The following PSMA6 variants were observed in gnomAD, a reference collection of about 807,000 sequenced individuals.
The protein encoded by PSMA6 is proteasome subunit alpha type-6.
For synonymous variants in PSMA6, 88 were observed against 97.7 expected (o/e 0.90, Z 0.59); for missense variants, 170 against 294.8 (o/e 0.58, Z 3.10).
At chr14:35,299,689 GT>G (rs1469247990) in intron 1 of PSMA6, among the ~76,000 whole-genome samples, 1 of 152,010 alleles carries the variant, frequency 6.6e-6, no homozygotes, top group African/African-American at 2.4e-5. Flanking sequence ...TGATACTACT[GT>G]TTACCCTGCC....
chr14:35,288,512 A>AAAC (rs539252937), upstream of PSMA6, among the ~76,000 whole-genome samples: 39 of 152,236 alleles, frequency 2.6e-4, no homozygotes, highest in East Asian at 3.9e-4. Context: ...AATAAGCCAA[A>AAAC]AACAACAACA....
chr14:35,311,805 A>G (rs2051949305), intron 4 of PSMA6, among the ~76,000 whole-genome samples: 2 of 152,190 alleles, frequency 1.3e-5, no homozygotes, highest in Admixed American at 6.6e-5. Flanking sequence ...CTAGAGGAGT[A>G]TATACCAACA....
intron 1 of PSMA6, among the ~76,000 whole-genome samples, chr14:35,301,600 G>C (rs72666607): frequency 0.34 from 52,118 of 151,974 alleles, 10,314 homozygotes; most frequent in East Asian, 0.69. Flanking sequence ...TATCATATTG[G>C]ACATTGCAAA....
At chr14:35,292,265 C>T (rs1045385292), upstream of PSMA6, 4 of 1,373,494 alleles carry the variant, frequency 2.9e-6, no homozygotes, top group Non-Finnish European at 3.8e-6. Flanking sequence ...CTTCAAAGGC[C>T]TCCCGCCCTC....
chr14:35,298,700 C>T (rs1182457591), intron 1 of PSMA6, among the ~76,000 whole-genome samples: 1 of 151,382 alleles, frequency 6.6e-6, no homozygotes, highest in Non-Finnish European at 1.5e-5. Context: ...AAATGCTGCC[C>T]ATAAACTATT....
At chr14:35,299,445 C>G in intron 1 of PSMA6, among the ~76,000 whole-genome samples, 1 of 150,112 alleles carries the variant, frequency 6.7e-6, no homozygotes, top group East Asian at 2.0e-4. Context: ...GCCTCAGCAC[C>G]CCAATAGCTG....
At chr14:35,292,329 T>C, upstream of PSMA6, 7 of 1,493,052 alleles carry the variant, frequency 4.7e-6, no homozygotes, top group Non-Finnish European at 5.3e-6. Context: ...TCGAACTGGC[T>C]CCAGAGCCGT....
At chr14:35,288,139 A>T (rs1332688666), upstream of PSMA6, among the ~76,000 whole-genome samples, 2 of 152,274 alleles carry the variant, frequency 1.3e-5, no homozygotes, top group Non-Finnish European at 1.5e-5. Flanking sequence ...CATATTCAAC[A>T]AATGATTGGA....
At chr14:35,292,291 T>TA, upstream of PSMA6, 3 of 1,412,218 alleles carry the variant, frequency 2.1e-6, no homozygotes, top group Non-Finnish European at 2.8e-6. Flanking sequence ...ACCACCCCCT[T>TA]AGGGGGCGGG....
intron 2 of PSMA6, 160 bp from the exon 3 acceptor site, chr14:35,308,754 T>G (rs1284191659): frequency 1.8e-6 from 1 of 552,562 alleles, no homozygotes; most frequent in Non-Finnish European, 3.2e-6. Flanking sequence ...ATTTTAACTA[T>G]AAAATGATCA....
intron 4 of PSMA6, chr14:35,312,676 A>T (rs1041738724): frequency 1.7e-5 from 8 of 471,770 alleles, no homozygotes; most frequent in African/African-American, 1.6e-4. Flanking sequence ...TCTGTGATAA[A>T]TCCTTTTGTG....
At chr14:35,317,205 A>C (rs770814596) in intron 6 of PSMA6, 44 bp from the exon 7 acceptor site, 3 of 1,555,514 alleles carry the variant, frequency 1.9e-6, no homozygotes, top group African/African-American at 2.7e-5. Flanking sequence ...TGTTTGAAAA[A>C]ATTTTTTTTA....
chr14:35,312,272 C>T (rs972350467), intron 4 of PSMA6, among the ~76,000 whole-genome samples: 1 of 149,844 alleles, frequency 6.7e-6, no homozygotes, highest in Non-Finnish European at 1.5e-5. Flanking sequence ...TTTGGGAGGA[C>T]GAGGCAGGTG....
chr14:35,288,053 A>G (rs1430602247), upstream of PSMA6, among the ~76,000 whole-genome samples: 1 of 152,218 alleles, frequency 6.6e-6, no homozygotes, highest in Admixed American at 6.5e-5. Flanking sequence ...TGAAATTTGG[A>G]TCTCTCATTT....
At chr14:35,311,025 CT>C in intron 4 of PSMA6, 130 bp downstream of exon 4, 1 of 878,506 alleles carries the variant, frequency 1.1e-6, no homozygotes, top group Non-Finnish European at 1.7e-6. Flanking sequence ...GTGGGAAAAT[CT>C]TTATAATAAA....
chr14:35,278,733 C>CA, intron 1 of PSMA6: 1 of 1,534,052 alleles, frequency 6.5e-7, no homozygotes, highest in Non-Finnish European at 8.7e-7. Flanking sequence ...GTCCCTCACT[C>CA]AGACTTGTTG....
upstream of PSMA6, among the ~76,000 whole-genome samples, chr14:35,291,229 T>C (rs570318267): frequency 1.5e-4 from 22 of 150,844 alleles, no homozygotes; most frequent in East Asian, 4.3e-3. Flanking sequence ...TCTTTTTTTT[T>C]TTTTTTGAGA....
rs189952884 is a variant in PSMA6, at chr14:35,310,387, C to T, written c.254-353C>T. 2.1e-3 allele frequency: 717 copies of T among 347,494 alleles called. 5 individuals carry two copies. Among genetic ancestry groups the T allele is most frequent in the African/African-American group, 0.015 (687 of 45,984 alleles). 21.5% of individuals were successfully genotyped at this position (347,494 alleles called of 1,614,324 possible). On this transcript the variant is annotated intron_variant, in intron 3 of 6. Transcript: ENST00000261479. Reference sequence around the variant, plus strand: ...GCCAGGCTGGTCTCAAACTCCTGGCCTCAAGTGATCCGCCTCTCTTGGCCT... The same window carrying T: ...GCCAGGCTGGTCTCAAACTCCTGGCTTCAAGTGATCCGCCTCTCTTGGCCT...
chr14:35,298,600 T>G (rs996385392), intron 1 of PSMA6, among the ~76,000 whole-genome samples: 1 of 152,168 alleles, frequency 6.6e-6, no homozygotes, highest in Admixed American at 6.5e-5. Context: ...TTTCCAAAAT[T>G]TTAGCCCAAA....
Sources: allele counts gnomAD v4.1 joint callset (sites outside exome capture counted in the v4.1 genomes callset), GRCh38; gene constraint gnomAD v4.1.1; transcripts MANE v1.5; gene names NCBI Gene and HGNC (gene_info 2026-07-23, HGNC 2026-07-21).